The following TECPR2 variants were observed in gnomAD, a reference collection of about 807,000 sequenced individuals.
TECPR2 encodes tectonin beta-propeller repeat-containing protein 2.
Under a neutral mutation model 138.1 loss-of-function variants are expected in TECPR2, and 65 were observed. The observed-to-expected ratio is 0.47, with a 90% CI of 0.39 to 0.58. The LOEUF is 0.58. Ranked by LOEUF, TECPR2 falls within the 20% of genes least tolerant of loss-of-function variation. TECPR2 has a pLI of 0.00. For synonymous variants in TECPR2, 746 were observed against 749.8 expected, an observed-to-expected ratio of 0.99 and a Z score of 0.08; for missense variants, 1,553 against 1,824.5, an observed-to-expected ratio of 0.85 and a Z score of 2.71.
intron 17 of TECPR2, among the ~76,000 whole-genome samples, chr14:102,490,701 C>T (rs1013353643): frequency 2.0e-5 from 3 of 152,178 alleles, no homozygotes; most frequent in African/African-American, 4.8e-5. Flanking sequence ...CTTCAGCAGG[C>T]GCCATGGGCT....
intron 17 of TECPR2, 170 bp downstream of exon 17, chr14:102,465,459 C>T (rs527755203): frequency 1.0e-4 from 147 of 1,401,836 alleles, no homozygotes; most frequent in Admixed American, 1.3e-4. Flanking sequence ...AACTGGAATT[C>T]GGGATTTGTG....
intron 2 of TECPR2, among the ~76,000 whole-genome samples, chr14:102,387,881 G>A (rs750763541): frequency 1.3e-5 from 2 of 152,172 alleles, no homozygotes; most frequent in Admixed American, 6.6e-5. Flanking sequence ...GAAGGTGACA[G>A]TTGAACAAAG....
At chr14:102,448,948 A>G (rs991357685) in intron 13 of TECPR2, among the ~76,000 whole-genome samples, 3 of 152,010 alleles carry the variant, frequency 2.0e-5, no homozygotes, top group Non-Finnish European at 4.4e-5. Context: ...ACTGTTGTCC[A>G]TTGGAAATAC....
chr14:102,474,353 G>A (rs1413271105), intron 17 of TECPR2, among the ~76,000 whole-genome samples: 3 of 151,288 alleles, frequency 2.0e-5, no homozygotes, highest in African/African-American at 4.9e-5. Flanking sequence ...GGCCGGGCAC[G>A]GTGGCTCATG....
At chr14:102,434,008 C>T (rs1028721784) in intron 8 of TECPR2, among the ~76,000 whole-genome samples, 1 of 151,918 alleles carries the variant, frequency 6.6e-6, no homozygotes, top group African/African-American at 2.4e-5. Context: ...TCAGTTTGTC[C>T]CCTGGTTTTT....
Position 102,443,521 on chromosome 14 carries a change from A to G in TECPR2, c.2753-126A>G, listed in dbSNP as rs1450248007. On this transcript the variant is annotated intron_variant, in intron 11 of 19. Coordinates refer to ENST00000359520, the MANE Select transcript of TECPR2 (RefSeq NM_014844.5). This position sits in a 1 kb window ranked among gnomAD's most constrained non-coding sequence, Gnocchi z 4.9. ...AATTAATTAATTAAAGTTTTTTTTT[A>G]AAGCACTCATCATAAAAGAATATAG... The G allele has an allele frequency of 2.5e-6, 2 of 812,350 alleles. No individual in the cohort carries two copies. The highest frequency in any genetic ancestry group is 3.6e-5 in the African/African-American group (2 of 55,924). The allele number at this position is 812,350 out of a possible 1,614,324, so 50.3% of individuals were successfully genotyped here.
chr14:102,368,624 T>TA (rs1057289083), intron 1 of TECPR2, among the ~76,000 whole-genome samples: 3 of 151,872 alleles, frequency 2.0e-5, no homozygotes, highest in East Asian at 1.9e-4. Context: ...TTTTTTTTTT[T>TA]ATTTTTGTCG....
rs1595153965 is a variant in TECPR2 at position 102,498,829 on chromosome 14, C to T, written c.*572C>T. The T allele has an allele frequency of 6.6e-6, 4 of 604,298 alleles. No homozygotes were observed. In the East Asian group the frequency reaches 1.3e-4, roughly 20 times the overall value. 37.4% of individuals were successfully genotyped at this position (604,298 alleles called of 1,614,324 possible). On this transcript the variant is annotated 3_prime_UTR_variant, in exon 20 of 20. Transcript: ENST00000359520. ...CCGGGCTTGAGAGGAGAGCGCTGGC[C>T]ATGCCAGGAGAGAACCCACGCACAT...
intron 17 of TECPR2, among the ~76,000 whole-genome samples, chr14:102,467,566 C>A (rs1402802247): frequency 6.6e-6 from 1 of 151,954 alleles, no homozygotes; most frequent in Non-Finnish European, 1.5e-5. Flanking sequence ...CTCAGGTAAT[C>A]CACCCTCCCC....
Position 102,419,952 on chromosome 14 carries a change from C to T in TECPR2, c.639-5027C>T, listed in dbSNP as rs981617471. Among the ~76,000 whole-genome samples, 2 of 152,122 alleles carry T rather than the reference C, an allele frequency of 1.3e-5. No individual in the cohort carries two copies. Among genetic ancestry groups the T allele is most frequent in the East Asian group, 1.9e-4 (1 of 5,188 alleles). ...GAGCCAGCAGCCGGTTCTGGAACCC[C>T]GCGACTAGCACATCTGTTTGGATGG... is the stretch of plus-strand genomic sequence containing the variant. On this transcript the variant is annotated intron_variant, in intron 5 of 19. Coordinates refer to ENST00000359520, the MANE Select transcript of TECPR2 (RefSeq NM_014844.5). The surrounding 1 kb of genome is among the most constrained non-coding windows in gnomAD (Gnocchi z 4.8).
chr14:102,449,527 A>G, intron 13 of TECPR2, 102 bp from the exon 14 acceptor site: 1 of 1,513,386 alleles, frequency 6.6e-7, no homozygotes, highest in Admixed American at 2.0e-5. Context: ...TGTTACTAGA[A>G]ATGCAGAGGT....
chr14:102,400,133 C>A (rs555660610), intron 2 of TECPR2, among the ~76,000 whole-genome samples: 1 of 151,492 alleles, frequency 6.6e-6, no homozygotes, highest in Non-Finnish European at 1.5e-5. Flanking sequence ...GCAACATCTG[C>A]CTCCCGGGTT....
intron 5 of TECPR2, among the ~76,000 whole-genome samples, chr14:102,422,368 ATGT>A (rs1889207527): frequency 6.6e-6 from 1 of 152,168 alleles, no homozygotes; most frequent in Admixed American, 6.5e-5. Context: ...TCCCTCACCA[ATGT>A]TGTTGAAGGA....
At chr14:102,463,192 G>A (rs1028614385) in intron 16 of TECPR2, among the ~76,000 whole-genome samples, 1 of 152,012 alleles carries the variant, frequency 6.6e-6, no homozygotes, top group Non-Finnish European at 1.5e-5. Flanking sequence ...AGGCCGAGAC[G>A]GATCACCTGA....
chr14:102,432,727 C>T (rs542866323), intron 8 of TECPR2, among the ~76,000 whole-genome samples: 2 of 149,556 alleles, frequency 1.3e-5, no homozygotes, highest in South Asian at 2.3e-4. Flanking sequence ...ATGTCGGGGC[C>T]GGGCGCAGTG....
intron 2 of TECPR2, among the ~76,000 whole-genome samples, chr14:102,384,050 G>T (rs958055925): frequency 6.6e-6 from 1 of 151,178 alleles, no homozygotes; most frequent in Non-Finnish European, 1.5e-5. Context: ...CTCCTGAGTA[G>T]CTGGGATTAC....
At chr14:102,490,524 C>T (rs1891130646) in intron 17 of TECPR2, among the ~76,000 whole-genome samples, 1 of 152,344 alleles carries the variant, frequency 6.6e-6, no homozygotes, top group Admixed American at 6.5e-5. Context: ...CTGTTGAAAC[C>T]TCGGTGTATT....
chr14:102,420,165 C>T lies in TECPR2; in HGVS notation c.639-4814C>T, dbSNP rs1427872601. Reference sequence around the variant, plus strand: ...GCTAGAATTTGTTAGCCAGAACACACTCCTTACATATCAACGTGGTCTATA... The same window carrying T: ...GCTAGAATTTGTTAGCCAGAACACATTCCTTACATATCAACGTGGTCTATA... On this transcript the variant is annotated intron_variant, in intron 5 of 19. Transcript: ENST00000359520. This position sits in a 1 kb window ranked among gnomAD's most constrained non-coding sequence, Gnocchi z 4.1. Among the ~76,000 whole-genome samples the T allele has an allele frequency of 6.6e-6, 1 of 152,322 alleles. No individual in the cohort carries two copies. Among genetic ancestry groups the T allele is most frequent in the Non-Finnish European group, 1.5e-5 (1 of 68,032 alleles).
rs79783354 is a variant in TECPR2 at position 102,472,271 on chromosome 14, G to A, written c.3789+6982G>A. 2.8e-3 allele frequency among the ~76,000 whole-genome samples: 427 copies of A among 152,322 alleles called. 4 individuals carry two copies. Among genetic ancestry groups the A allele is most frequent in the African/African-American group, 1.0e-2 (414 of 41,572 alleles). On this transcript the variant is annotated intron_variant, in intron 17 of 19. Transcript: ENST00000359520. ...CAGGTACCTGGCAAAAGGGTTACATGGAGAACGGTGTGCAACCACAATTTC... is the reference window on the plus strand; with the variant it reads ...CAGGTACCTGGCAAAAGGGTTACATAGAGAACGGTGTGCAACCACAATTTC...
Sources: allele counts gnomAD v4.1 joint callset (sites outside exome capture counted in the v4.1 genomes callset), GRCh38; gene constraint gnomAD v4.1.1; non-coding constraint Gnocchi (gnomAD v3.1); transcripts MANE v1.5; gene names NCBI Gene and HGNC (gene_info 2026-07-23, HGNC 2026-07-21).